The following SLC44A2 variants were observed in gnomAD, a reference collection of about 807,000 sequenced individuals.
SLC44A2 encodes the protein choline transporter-like protein 2.
Under a neutral mutation model 90.8 loss-of-function variants are expected in SLC44A2, and 57 were observed. The observed-to-expected ratio is 0.63, with a 90% confidence interval of 0.51 to 0.78. The LOEUF (loss-of-function observed/expected upper bound fraction) is 0.78, where lower values mean the gene tolerates loss of function less well. SLC44A2 is among the 30% of genes least tolerant of loss of function. SLC44A2 has a pLI of 0.00. For synonymous variants in SLC44A2, 355 were observed against 360.7 expected (o/e 0.98, Z 0.18); for missense variants, 794 against 919.7 (o/e 0.86, Z 1.77).
chr19:10,632,210 C>A, intron 10 of SLC44A2, 54 bp downstream of exon 10: 1 of 1,502,238 alleles, frequency 6.7e-7, no homozygotes, highest in Non-Finnish European at 9.2e-7. Flanking sequence ...CACTGCCCTG[C>A]CCTTTCCCGT....
chr19:10,635,668 ACT>A (rs769774691), intron 14 of SLC44A2, 153 bp downstream of exon 14: 16 of 661,146 alleles, frequency 2.4e-5, no homozygotes, highest in Non-Finnish European at 3.8e-5. Context: ...TGGGGAAGAG[ACT>A]CTCTAACTGG....
intron 20 of SLC44A2, 76 bp from the exon 21 acceptor site, chr19:10,642,291 C>T (rs948157811): frequency 5.7e-6 from 7 of 1,228,302 alleles, no homozygotes; most frequent in South Asian, 3.7e-5. Context: ...GTGGTCCCAG[C>T]ATAGGATGGA....
intron 1 of SLC44A2, among the ~76,000 whole-genome samples, chr19:10,619,127 C>T (rs925823229): frequency 4.0e-5 from 6 of 151,528 alleles, no homozygotes; most frequent in African/African-American, 9.7e-5. Flanking sequence ...ACATCATGCC[C>T]GGCTAGTTTT....
At chr19:10,642,847 C>A in intron 21 of SLC44A2, 1 of 1,525,684 alleles carries the variant, frequency 6.6e-7, no homozygotes, top group Non-Finnish European at 8.7e-7. Flanking sequence ...TCTTTCCCTC[C>A]CTTCCCGACC....
chr19:10,631,533 C>T lies in SLC44A2; in HGVS notation c.500C>T (p.Pro167Leu), dbSNP rs377482215. Reference sequence around the variant, plus strand: ...CCTGCTGTCCTCATCCCCAGCAAACCCTGTGAGTCAGGGGATCCCAGGAGG... The same window carrying T: ...CCTGCTGTCCTCATCCCCAGCAAACTCTGTGAGTCAGGGGATCCCAGGAGG... ...DCPAVLIPSK[P>L]LARRCFPAIH... Residue 167 changes from proline (P) to leucine (L), a missense_variant and splice_region_variant, in exon 7 of 22, where the codon CCC becomes CTC. Physicochemically the swap from Pro to Leu is moderately conservative, Grantham distance 98. Coordinates refer to ENST00000335757, the MANE Select transcript of SLC44A2 (RefSeq NM_020428.4). 32 of 1,613,926 alleles carry T rather than the reference C, an allele frequency of 2.0e-5. No individual in the cohort carries two copies. In the Middle Eastern group the frequency reaches 1.5e-3, roughly 75 times the overall value.
At chr19:10,618,167 G>C (rs905818399) in intron 1 of SLC44A2, among the ~76,000 whole-genome samples, 2 of 119,680 alleles carry the variant, frequency 1.7e-5, no homozygotes, top group African/African-American at 6.6e-5. Flanking sequence ...ACCATGCCTG[G>C]CTAATTTTTT....
At chr19:10,639,134 G>A (rs191126633) in intron 20 of SLC44A2, among the ~76,000 whole-genome samples, 78 of 152,150 alleles carry the variant, frequency 5.1e-4, no homozygotes, top group Admixed American at 1.5e-3. Flanking sequence ...GGGTTTCACC[G>A]TGTTGGCTGG....
Position 10,636,535 on chromosome 19 carries a change from G to T in SLC44A2, c.1446G>T (p.Pro482=). ...CCTACTACTGGGCCCTGCGCAAGCC[G>T]GACGACCTGCCGGCCTTCCCGCTCT... The part of the protein sequence containing the change: ...FASYYWALRK[P]DDLPAFPLFS... Residue 482 remains proline (P), a synonymous_variant, in exon 15 of 22, where the codon CCG becomes CCT. Coordinates refer to ENST00000335757, the MANE Select transcript of SLC44A2 (RefSeq NM_020428.4). The T allele has an allele frequency of 6.2e-7, 1 of 1,609,352 alleles. No individual in the cohort carries two copies. The highest frequency in any genetic ancestry group is 1.1e-5 in the South Asian group (1 of 91,022).
chr19:10,621,764 A>G (rs376482197), upstream of SLC44A2, among the ~76,000 whole-genome samples: 3 of 152,170 alleles, frequency 2.0e-5, no homozygotes, highest in East Asian at 5.8e-4. Context: ...GACTACAGGC[A>G]TGCACCACCT....
Position 10,625,557 on chromosome 19 carries a change from C to T in SLC44A2, c.-77C>T, listed in dbSNP as rs760892727. On this transcript the variant is annotated 5_prime_UTR_variant, in exon 1 of 22. Transcript: ENST00000335757. ...GCCGCCGCCAGTCGCGCGGTCAGTGCCTCCCTCCAGACTCGGGAGGGTCGA... is the reference window on the plus strand; with the variant it reads ...GCCGCCGCCAGTCGCGCGGTCAGTGTCTCCCTCCAGACTCGGGAGGGTCGA... 443 of 1,232,500 alleles carry T rather than the reference C, an allele frequency of 3.6e-4. 2 individuals carry two copies. The highest frequency in any genetic ancestry group is 4.3e-4 in the Non-Finnish European group (426 of 986,996). The allele number at this position is 1,232,500 out of a possible 1,614,324, so 76.3% of individuals were successfully genotyped here. A position where few individuals can be genotyped will look rare whatever the true frequency, so the allele number is the denominator to read the frequency against.
intron 1 of SLC44A2, among the ~76,000 whole-genome samples, chr19:10,619,118 C>T (rs1362451739): frequency 6.6e-6 from 1 of 151,716 alleles, no homozygotes; most frequent in Admixed American, 6.6e-5. Context: ...ACTACAGGCA[C>T]ATCATGCCCG....
chr19:10,637,812 T>C (rs1243256609), intron 17 of SLC44A2, 44 bp from the exon 18 acceptor site: 1 of 1,613,374 alleles, frequency 6.2e-7, no homozygotes, highest in South Asian at 1.1e-5. Context: ...CCACCCCCCA[T>C]GCCCACCCAG....
In SLC44A2 at chr19:10,609,043, C is replaced by T. The variant is rs1013265627; in HGVS notation, c.31+6482C>T. Among the ~76,000 whole-genome samples the T allele has an allele frequency of 1.6e-4, 24 of 150,198 alleles. No individual in the cohort carries two copies. The East Asian group carries it at 4.5e-3, about 28-fold the overall frequency. On this transcript the variant is annotated intron_variant, in intron 1 of 21. Transcript: ENST00000407327. ...CGCCATCTCAGCTCACTGCAAACTCCACCTCCTGGGTTCAAGCGATTCTTC... is the reference window on the plus strand; with the variant it reads ...CGCCATCTCAGCTCACTGCAAACTCTACCTCCTGGGTTCAAGCGATTCTTC...
chr19:10,637,650 A>T lies in SLC44A2; in HGVS notation c.1598A>T (p.Glu533Val), dbSNP rs1214830630. 6.2e-7 allele frequency: 1 copy of T among 1,613,952 alleles called. No homozygotes were observed. Among genetic ancestry groups the T allele is most frequent in the Non-Finnish European group, 8.5e-7 (1 of 1,179,990 alleles). Reference protein sequence around the residue: ...EYLDQRLKAAENKFAKCLMTC... With the variant: ...EYLDQRLKAAVNKFAKCLMTC... ...CCCTTCCCTTCTCTTCCAGCTGCAG[A>T]GAACAAGTTTGCCAAGTGCCTCATG... Residue 533 changes from glutamate to valine, a missense_variant, in exon 17 of 22, where the codon GAG becomes GTG. Physicochemically the swap from Glu to Val is moderately radical, Grantham distance 121. Around this residue, in one of 3 missense-constraint regions of SLC44A2, gnomAD observed 738 missense variants for 841.1 expected, o/e 0.88. Coordinates refer to ENST00000335757, the MANE Select transcript of SLC44A2 (RefSeq NM_020428.4).
intron 7 of SLC44A2, 42 bp downstream of exon 7, chr19:10,631,577 G>T: frequency 1.2e-6 from 2 of 1,614,026 alleles, no homozygotes. Flanking sequence ...GTGACGGGGA[G>T]GCTCTGCAGA....
At chr19:10,616,984 C>T (rs538786799) in intron 1 of SLC44A2, among the ~76,000 whole-genome samples, 1 of 152,034 alleles carries the variant, frequency 6.6e-6, no homozygotes, top group East Asian at 1.9e-4. Context: ...TGCAGTGGCG[C>T]GATCTCGGCT....
upstream of SLC44A2, chr19:10,625,459 A>G: frequency 2.5e-6 from 3 of 1,214,892 alleles, no homozygotes; most frequent in Non-Finnish European, 2.0e-6. Flanking sequence ...CGGGTCCCTT[A>G]GTCTGGGCAG....
chr19:10,603,239 G>A (rs1413366014), intron 1 of SLC44A2, among the ~76,000 whole-genome samples: 6 of 152,168 alleles, frequency 3.9e-5, no homozygotes, highest in Admixed American at 1.3e-4. Flanking sequence ...TCAGGCATTT[G>A]GCCCCGGGGA....
At chr19:10,607,769 G>A (rs1270688078) in intron 1 of SLC44A2, among the ~76,000 whole-genome samples, 14 of 144,722 alleles carry the variant, frequency 9.7e-5, no homozygotes, top group African/African-American at 2.5e-4. Flanking sequence ...TTTTTGAGAC[G>A]GAGTCTCACT....
Sources: gnomAD v4.1 joint callset for allele counts (sites outside exome capture counted in the v4.1 genomes callset) on GRCh38, gnomAD v4.1.1 for gene constraint, gnomAD v4.1.1 regional missense constraint, MANE v1.5 for transcripts, NCBI Gene and HGNC (gene_info 2026-07-23, HGNC 2026-07-21) for gene names.